Variants in CCT5 observed in about 807,000 individuals in gnomAD.
The protein encoded by CCT5 is T-complex protein 1 subunit epsilon.
CCT5 carries 6 observed loss-of-function variants against 55.0 expected under a neutral mutation model. That is an observed-to-expected ratio of 0.11 (90% confidence interval 0.06 to 0.22). The LOEUF is 0.22. Ranked by LOEUF, CCT5 falls within the 10% of genes least tolerant of loss-of-function variation. The pLI is 1.00. For synonymous variants in CCT5, 231 were observed against 243.7 expected (o/e 0.95, Z 0.49); for missense variants, 560 against 694.6 (o/e 0.81, Z 2.18).
chr5:10,251,517 C>G (rs770808917), intron 1 of CCT5, among the ~76,000 whole-genome samples: 2 of 152,030 alleles, frequency 1.3e-5, no homozygotes, highest in Non-Finnish European at 2.9e-5. Context: ...CTCAGGTGTC[C>G]CTGTTCACTT....
chr5:10,264,857 GTTA>G lies in CCT5; in HGVS notation c.*77_*79del. On this transcript the variant is annotated 3_prime_UTR_variant, in exon 11 of 11. Transcript: ENST00000280326. The stretch of plus-strand genomic sequence containing the variant: ...ATGGATGTCTCGTGATGCATCTACA[GTTA>G]TTTATTGTTACATCCTTTTCCAGAC... 1 of 1,571,354 alleles carries G rather than the reference GTTA, an allele frequency of 6.4e-7. No homozygotes were observed. Among genetic ancestry groups the G allele is most frequent in the Non-Finnish European group, 8.7e-7 (1 of 1,144,722 alleles).
At chr5:10,259,585 A>C (rs1745853725) in intron 6 of CCT5, among the ~76,000 whole-genome samples, 1 of 152,212 alleles carries the variant, frequency 6.6e-6, no homozygotes, top group African/African-American at 2.4e-5. Context: ...AGGAGAGGCC[A>C]ACATAGGGTG....
rs1043756596 is a variant in CCT5, at chr5:10,265,689, T to C, written c.*906T>C. On this transcript the variant is annotated 3_prime_UTR_variant, in exon 11 of 11. Transcript: ENST00000280326. ...ACATCTTACAGGTGAGTACTCATAA[T>C]TGGCCAGCATCTCACCACCAGCAAG... The C allele has an allele frequency of 2.6e-5, 4 of 152,134 alleles. No individual in the cohort carries two copies. The highest frequency in any genetic ancestry group is 9.7e-5 in the African/African-American group (4 of 41,420). The allele number at this position is 152,134 out of a possible 1,614,324, so 9.4% of individuals were successfully genotyped here.
intron 1 of CCT5, 127 bp downstream of exon 1, chr5:10,250,572 C>G: frequency 6.6e-7 from 1 of 1,505,408 alleles, no homozygotes; most frequent in East Asian, 2.5e-5. Flanking sequence ...TCTCCGTCTC[C>G]CTGCGGTCTC....
chr5:10,250,860 A>G (rs1745359541), intron 1 of CCT5: 2 of 1,050,438 alleles, frequency 1.9e-6, no homozygotes, highest in Non-Finnish European at 2.3e-6. Flanking sequence ...GTCCACCCGC[A>G]ACGGCCCTTC....
chr5:10,262,543 C>G lies in CCT5; in HGVS notation c.1242C>G (p.Arg414=). The change falls in exon 9 of 11, where the codon CGC becomes CGG. Residue 414 remains arginine, a synonymous_variant. Coordinates refer to ENST00000280326, the MANE Select transcript of CCT5 (RefSeq NM_012073.5). ...TGTGTGTCATCCGGAACCTCATCCG[C>G]GATAATCGTGTGGTGTATGGAGGAG... The part of the protein sequence containing the change: ...DALCVIRNLI[R]DNRVVYGGGA... 6.2e-7 allele frequency: 1 copy of G among 1,614,168 alleles called. No individual in the cohort carries two copies. The highest frequency in any genetic ancestry group is 1.1e-5 in the South Asian group (1 of 91,076).
upstream of CCT5, chr5:10,249,937 G>T: frequency 2.0e-5 from 9 of 458,462 alleles, no homozygotes; most frequent in Non-Finnish European, 2.1e-5. Flanking sequence ...AAAAAAAACC[G>T]GAAATGGGTC....
chr5:10,261,497 C>G, intron 7 of CCT5, 63 bp from the exon 8 acceptor site: 1 of 1,524,770 alleles, frequency 6.6e-7, no homozygotes, highest in Non-Finnish European at 9.1e-7. Context: ...CATTTGTGGC[C>G]CAGTTTTGAA....
intron 1 of CCT5, among the ~76,000 whole-genome samples, chr5:10,251,997 C>A (rs1489354867): frequency 6.6e-6 from 1 of 152,246 alleles, no homozygotes; most frequent in African/African-American, 2.4e-5. Flanking sequence ...AGAAATTGTT[C>A]TGAAGAGCAG....
chr5:10,253,840 G>A (rs1392266080), intron 1 of CCT5, among the ~76,000 whole-genome samples: 1 of 152,186 alleles, frequency 6.6e-6, no homozygotes, highest in East Asian at 1.9e-4. Flanking sequence ...CGCCTGTAAG[G>A]TCATAGTCAT....
In CCT5 at chr5:10,258,449, A is replaced by G. The variant is rs750814476; in HGVS notation, c.787A>G (p.Lys263Glu). The G allele has an allele frequency of 6.2e-7, 1 of 1,614,160 alleles. No individual in the cohort carries two copies. The highest frequency in any genetic ancestry group is 8.5e-7 in the Non-Finnish European group (1 of 1,179,982). The change falls in exon 6 of 11, where the codon AAG becomes GAG. Residue 263 changes from lysine (K) to glutamate (E), a missense_variant. By Grantham distance (56) the Lys-to-Glu change is moderately conservative (BLOSUM62 1). Around this residue, in one of 4 missense-constraint regions of CCT5, gnomAD observed 256 missense variants for 372.4 expected, o/e 0.69. Transcript: ENST00000280326. ...CPFEPPKPKT[K>E]HKLDVTSVED... is the part of the protein sequence containing the mutation. ...ATTTGAACCACCCAAACCAAAAACA[A>G]AGCATAAGCTGGATGTGACCTCTGT...
chr5:10,261,974 G>T (rs573168855), intron 8 of CCT5: 7 of 527,426 alleles, frequency 1.3e-5, no homozygotes, highest in Non-Finnish European at 2.0e-5. Flanking sequence ...TACACTATGA[G>T]ATTTTTATAT....
intron 1 of CCT5, chr5:10,250,840 C>G (rs1351337341): frequency 5.6e-6 from 6 of 1,066,316 alleles, no homozygotes; most frequent in Non-Finnish European, 6.8e-6. Flanking sequence ...TGCTGCTTAA[C>G]CTTTCGCTGG....
Position 10,260,778 on chromosome 5 carries a change from G to C in CCT5, c.874-14G>C. ...CACTTTCTCTTAATACGATTGTGGTGGTTCTTTTCCCAGATTAAAGAGACT... is the reference window on the plus strand; with the variant it reads ...CACTTTCTCTTAATACGATTGTGGTCGTTCTTTTCCCAGATTAAAGAGACT... On this transcript the variant is annotated splice_polypyrimidine_tract_variant and intron_variant, in intron 6 of 10. Transcript: ENST00000280326. 6.2e-7 allele frequency: 1 copy of C among 1,612,852 alleles called. No individual in the cohort carries two copies. The highest frequency in any genetic ancestry group is 8.5e-7 in the Non-Finnish European group (1 of 1,179,634).
chr5:10,265,313 T>G lies in CCT5; in HGVS notation c.*530T>G, dbSNP rs906825104. ...AACCTGGCGTGTTGTTTAGGGCTGA[T>G]GGAGACCCATGTGAGCCTTTGCTTT... is the stretch of plus-strand genomic sequence containing the variant. On this transcript the variant is annotated 3_prime_UTR_variant, in exon 11 of 11. Coordinates refer to ENST00000280326, the MANE Select transcript of CCT5 (RefSeq NM_012073.5). 1.8e-5 allele frequency: 3 copies of G among 165,006 alleles called. No homozygotes were observed. The highest frequency in any genetic ancestry group is 4.0e-5 in the Non-Finnish European group (3 of 75,790). The allele number at this position is 165,006 out of a possible 1,614,324, so 10.2% of individuals were successfully genotyped here.
rs200430696 is a variant in CCT5, at chr5:10,262,541, C to T, written c.1240C>T (p.Arg414Cys). 13 of 1,614,236 alleles carry T rather than the reference C, an allele frequency of 8.1e-6. No homozygotes were observed. The highest frequency in any genetic ancestry group is 2.2e-5 in the East Asian group (1 of 44,888). ...DALCVIRNLI[R>C]DNRVVYGGGA... The stretch of plus-strand genomic sequence containing the variant: ...TTTGTGTGTCATCCGGAACCTCATC[C>T]GCGATAATCGTGTGGTGTATGGAGG... Residue 414 changes from arginine (R) to cysteine (C), a missense_variant, in exon 9 of 11, where the codon CGC (arginine) becomes TGC (cysteine). Physicochemically the swap from Arg to Cys is radical, Grantham distance 180 (BLOSUM62 -3). Around this residue, in one of 4 missense-constraint regions of CCT5, gnomAD observed 256 missense variants for 372.4 expected, o/e 0.69. Coordinates refer to ENST00000280326, the MANE Select transcript of CCT5 (RefSeq NM_012073.5).
At chr5:10,250,687 G>T (rs1745344355) in intron 1 of CCT5, 4 of 1,385,552 alleles carry the variant, frequency 2.9e-6, no homozygotes, top group African/African-American at 1.5e-5. Context: ...TTCGGAGCTG[G>T]GTGGGGCCGC....
At chr5:10,253,566 C>G (rs776117435) in intron 1 of CCT5, among the ~76,000 whole-genome samples, 85 of 152,276 alleles carry the variant, frequency 5.6e-4, no homozygotes, top group Non-Finnish European at 9.4e-4. Flanking sequence ...GATTACAATT[C>G]TGCAGTAAAT....
rs921191675 is a variant in CCT5 at position 10,265,243 on chromosome 5, A to T, written c.*460A>T. 1.1e-5 allele frequency: 2 copies of T among 182,552 alleles called. No individual in the cohort carries two copies. Among genetic ancestry groups the T allele is most frequent in the Non-Finnish European group, 2.3e-5 (2 of 86,576 alleles). The allele number at this position is 182,552 out of a possible 1,614,324, so 11.3% of individuals were successfully genotyped here. A position where few individuals can be genotyped will look rare whatever the true frequency, so the allele number is the denominator to read the frequency against. On this transcript the variant is annotated 3_prime_UTR_variant, in exon 11 of 11. Coordinates refer to ENST00000280326, the MANE Select transcript of CCT5 (RefSeq NM_012073.5). ...TTTGATTGTAGAGGGTCCACCACAGAATTATGGGATGCCTTAAGTGCTGTT... is the reference window on the plus strand; with the variant it reads ...TTTGATTGTAGAGGGTCCACCACAGTATTATGGGATGCCTTAAGTGCTGTT...
Sources: allele counts gnomAD v4.1 joint callset (sites outside exome capture counted in the v4.1 genomes callset), GRCh38; gene constraint gnomAD v4.1.1; regional missense constraint gnomAD v4.1.1; transcripts MANE v1.5; gene names NCBI Gene and HGNC (gene_info 2026-07-23, HGNC 2026-07-21).